ERAP1: variants seen among roughly 807,000 people sequenced by gnomAD.
ERAP1 encodes endoplasmic reticulum aminopeptidase 1.
A neutral mutation model predicts 103.7 loss-of-function variants in ERAP1; 86 were observed. That is an observed-to-expected ratio of 0.83 (90% confidence interval 0.70 to 0.99). The LOEUF is 0.99. Among genes scored for constraint, ERAP1 ranks in the 50% least tolerant of loss-of-function variants. The pLI is 0.00. For missense variants in ERAP1, 1,009 were observed against 1,128.4 expected (o/e 0.89, Z 1.52); for synonymous variants, 398 against 402.4 (o/e 0.99, Z 0.13).
the ERAP1 span, chr5:96,903,566 G>A: frequency 6.3e-7 from 1 of 1,585,762 alleles, no homozygotes; most frequent in Non-Finnish European, 8.6e-7. Flanking sequence ...GTTGGGTAAG[G>A]CAACATTTCC....
chr5:96,848,143 G>A, the ERAP1 span, among the ~76,000 whole-genome samples: 1 of 152,112 alleles, frequency 6.6e-6, no homozygotes, highest in African/African-American at 2.4e-5. Context: ...CTGCCTCCCA[G>A]GTTCAAGTGA....
intron 18 of ERAP1, among the ~76,000 whole-genome samples, chr5:96,780,102 A>G: frequency 6.6e-6 from 1 of 152,208 alleles, no homozygotes; most frequent in East Asian, 1.9e-4. Flanking sequence ...CAGCTGGATG[A>G]CCACTTCAGT....
chr5:96,882,890 A>G, the ERAP1 span, among the ~76,000 whole-genome samples: 1 of 152,032 alleles, frequency 6.6e-6, no homozygotes, highest in South Asian at 2.1e-4. Flanking sequence ...GAGCTATTCT[A>G]TTCCCCCCTC....
chr5:96,859,430 C>A, the ERAP1 span, among the ~76,000 whole-genome samples: 56 of 152,044 alleles, frequency 3.7e-4, no homozygotes, highest in Non-Finnish European at 7.5e-4. Context: ...GCTCCCAGAC[C>A]GTTTGTGCTG....
the ERAP1 span, among the ~76,000 whole-genome samples, chr5:96,920,325 G>A: frequency 6.6e-6 from 1 of 150,940 alleles, no homozygotes; most frequent in Non-Finnish European, 1.5e-5. Context: ...AAAAAAAGGA[G>A]TCTAACTGCC....
At chr5:96,857,141 C>T in the ERAP1 span, among the ~76,000 whole-genome samples, 1 of 152,226 alleles carries the variant, frequency 6.6e-6, no homozygotes, top group Non-Finnish European at 1.5e-5. Flanking sequence ...ATGTGACCTC[C>T]ACTCTTTGCC....
chr5:96,780,629 A>G (rs1424330037), intron 17 of ERAP1, 125 bp from the exon 18 acceptor site: 2 of 760,980 alleles, frequency 2.6e-6, no homozygotes, highest in Non-Finnish European at 4.6e-6. Flanking sequence ...ACAAAATATG[A>G]TGTCTATCCA....
Position 96,807,853 on chromosome 5 carries a change from G to A in ERAP1, c.-18+7C>T. The A allele has an allele frequency of 1.0e-6, 1 of 985,888 alleles. No homozygotes were observed. Among genetic ancestry groups the A allele is most frequent in the Non-Finnish European group, 1.2e-6 (1 of 830,224 alleles). The allele number at this position is 985,888 out of a possible 1,614,324, so 61.1% of individuals were successfully genotyped here. ...AGTCCCCTACCCGCGGCTCGAGCGCGCTGTACCTGGGGTTCTGGGGCCGCC... is the reference window on the plus strand; with the variant it reads ...AGTCCCCTACCCGCGGCTCGAGCGCACTGTACCTGGGGTTCTGGGGCCGCC... On this transcript the variant is annotated splice_region_variant and intron_variant, in intron 1 of 18. Coordinates refer to ENST00000443439, the MANE Select transcript of ERAP1 (RefSeq NM_001040458.3).
At chr5:96,822,425 C>G in the ERAP1 span, among the ~76,000 whole-genome samples, 1 of 152,142 alleles carries the variant, frequency 6.6e-6, no homozygotes, top group Non-Finnish European at 1.5e-5. Flanking sequence ...AAACATTGCT[C>G]AGGAACAAAG....
chr5:96,863,714 T>C, the ERAP1 span, among the ~76,000 whole-genome samples: 2 of 152,216 alleles, frequency 1.3e-5, no homozygotes, highest in African/African-American at 4.8e-5. Flanking sequence ...TTCACATTTC[T>C]AACTACCCAC....
chr5:96,781,297 C>G (rs1359336180), intron 16 of ERAP1, 99 bp from the exon 17 acceptor site: 1 of 1,282,296 alleles, frequency 7.8e-7, no homozygotes, highest in Non-Finnish European at 1.1e-6. Flanking sequence ...AAAAGTCTGC[C>G]AGTAACAAAG....
At chr5:96,867,957 C>T in the ERAP1 span, among the ~76,000 whole-genome samples, 1 of 151,990 alleles carries the variant, frequency 6.6e-6, no homozygotes, top group Non-Finnish European at 1.5e-5. Flanking sequence ...GCCTGTAATC[C>T]CAGCTACCTG....
chr5:96,896,339 G>A, the ERAP1 span: 2 of 1,562,916 alleles, frequency 1.3e-6, no homozygotes, highest in Middle Eastern at 1.7e-4. Flanking sequence ...GTGTCAAATA[G>A]AAACTAAAAC....
At chr5:96,761,716 C>T (rs1037101756) in exon 20 of ERAP1, 1 of 152,466 alleles carries the variant, frequency 6.6e-6, no homozygotes, top group Non-Finnish European at 1.5e-5. Context: ...GAATATTTAA[C>T]GTTGAAAAAA....
rs528630055 is a variant in ERAP1 at position 96,790,663 on chromosome 5, A to C, written c.1321-20T>G. The C allele has an allele frequency of 3.1e-6, 5 of 1,594,384 alleles. No individual in the cohort carries two copies. Among genetic ancestry groups the C allele is most frequent in the South Asian group, 1.1e-5 (1 of 90,542 alleles). ...AGCTCCCTGAAAAGATAATAGAAATAATTGTTATCTATAGTTTCATTGCAG... is the reference window on the plus strand; with the variant it reads ...AGCTCCCTGAAAAGATAATAGAAATCATTGTTATCTATAGTTTCATTGCAG... On this transcript the variant is annotated intron_variant, in intron 8 of 18. Transcript: ENST00000443439.
the ERAP1 span, chr5:96,889,097 T>C: frequency 6.3e-5 from 93 of 1,476,576 alleles, no homozygotes; most frequent in Non-Finnish European, 7.9e-5. Context: ...AAAGATACAG[T>C]CTGCCTTTCT....
the ERAP1 span, chr5:96,814,019 C>T: frequency 1.5e-5 from 4 of 260,966 alleles, no homozygotes; most frequent in Admixed American, 9.8e-5. Flanking sequence ...ATCAATAATA[C>T]GAACATATCA....
At chr5:96,880,661 C>G in the ERAP1 span, among the ~76,000 whole-genome samples, 1 of 152,022 alleles carries the variant, frequency 6.6e-6, no homozygotes, top group Non-Finnish European at 1.5e-5. Context: ...TATACATTGC[C>G]TAGGTAACAG....
chr5:96,770,041 C>G (rs1038924852), downstream of ERAP1: 7 of 155,058 alleles, frequency 4.5e-5, no homozygotes, highest in African/African-American at 1.7e-4. Flanking sequence ...GTGCAGATAT[C>G]TTTATAAGGT....
Sources: gnomAD v4.1 joint callset for allele counts (sites outside exome capture counted in the v4.1 genomes callset) on GRCh38, gnomAD v4.1.1 for gene constraint, MANE v1.5 for transcripts, NCBI Gene and HGNC (gene_info 2026-07-23, HGNC 2026-07-21) for gene names.